LPP: variants seen among roughly 807,000 people sequenced by gnomAD.
LPP encodes the protein lipoma-preferred partner.
Under a neutral mutation model 60.4 loss-of-function variants are expected in LPP, and 38 were observed. That is an observed-to-expected ratio of 0.63 (90% confidence interval 0.49 to 0.83). The LOEUF is 0.83. LPP is among the 40% of genes least tolerant of loss of function. The pLI, the probability that LPP is intolerant of heterozygous loss-of-function variation, is 0.00. For missense variants in LPP, 902 were observed against 783.6 expected, an observed-to-expected ratio of 1.15 and a Z score of -1.80; for synonymous variants, 328 against 290.8, an observed-to-expected ratio of 1.13 and a Z score of -1.30.
intron 9 of LPP, among the ~76,000 whole-genome samples, chr3:188,856,533 TTATATC>T (rs1354242223): frequency 6.6e-6 from 1 of 152,220 alleles, no homozygotes; most frequent in Non-Finnish European, 1.5e-5. Flanking sequence ...AACAATATCT[TTATATC>T]TATTTACATT....
intron 2 of LPP, among the ~76,000 whole-genome samples, chr3:188,242,948 A>G (rs565454078): frequency 4.1e-4 from 62 of 152,324 alleles, no homozygotes; most frequent in Admixed American, 1.0e-3. Context: ...GAGAGAACAG[A>G]TGGTTCCTTT....
chr3:188,249,696 T>C (rs114280114), intron 2 of LPP, among the ~76,000 whole-genome samples: 2,066 of 151,970 alleles, frequency 0.014, 40 homozygotes, highest in African/African-American at 0.047. Context: ...TTTAAACTTA[T>C]TTAAAAAGTT....
chr3:188,712,666 A>ACC (rs1279481262), intron 8 of LPP: 1 of 151,978 alleles, frequency 6.6e-6, no homozygotes, highest in Non-Finnish European at 1.5e-5. Flanking sequence ...CCCTGCCAAA[A>ACC]CCCCATCACC....
Position 188,701,454 on chromosome 3 carries a change from T to C in LPP, c.1114-6813T>C, listed in dbSNP as rs140902291. Reference sequence around the variant, plus strand: ...AGAATATAAAGCATTCAATTTCCCATGACTTTCAACGATTAACCTTTGAGC... The same window carrying C: ...AGAATATAAAGCATTCAATTTCCCACGACTTTCAACGATTAACCTTTGAGC... On this transcript the variant is annotated intron_variant, in intron 7 of 11. Coordinates refer to ENST00000617246, the MANE Select transcript of LPP (RefSeq NM_001375462.1). Among the ~76,000 whole-genome samples the C allele has an allele frequency of 4.6e-5, 7 of 152,338 alleles. No homozygotes were observed. In the East Asian group the frequency reaches 1.4e-3, roughly 29 times the overall value.
rs1298403873 is a variant in LPP at position 188,876,330 on chromosome 3, C to T, written c.*1851C>T. On this transcript the variant is annotated 3_prime_UTR_variant, in exon 12 of 12. Transcript: ENST00000617246. ...ACTATAGCTCATCCTTAATGTATGG[C>T]TCATTTGCTTTTGTCACTAAACGGT... 5.3e-6 allele frequency: 1 copy of T among 190,448 alleles called. No homozygotes were observed. The highest frequency in any genetic ancestry group is 6.2e-5 in the Admixed American group (1 of 16,236). The allele number at this position is 190,448 out of a possible 1,614,324, so 11.8% of individuals were successfully genotyped here.
At chr3:188,770,205 G>A (rs1301825140) in intron 9 of LPP, among the ~76,000 whole-genome samples, 1 of 131,480 alleles carries the variant, frequency 7.6e-6, no homozygotes, top group Non-Finnish European at 1.6e-5. Flanking sequence ...CCGAGACGGG[G>A]TCTTGCTCTG....
chr3:188,497,253 G>A (rs572240069), intron 5 of LPP, among the ~76,000 whole-genome samples: 4 of 152,256 alleles, frequency 2.6e-5, no homozygotes, highest in Admixed American at 2.0e-4. Context: ...ATTTGGGGTA[G>A]ATCAAGCCTC....
chr3:188,505,679 A>T (rs1813245993), intron 5 of LPP, among the ~76,000 whole-genome samples: 1 of 152,184 alleles, frequency 6.6e-6, no homozygotes. Context: ...CATTGATGAT[A>T]TATCTTGCTT....
rs1483959642 is a variant in LPP, at chr3:188,706,726, G to T, written c.1114-1541G>T. 2.0e-5 allele frequency among the ~76,000 whole-genome samples: 3 copies of T among 152,162 alleles called. No individual in the cohort carries two copies. The East Asian group carries it at 5.8e-4, about 29-fold the overall frequency. On this transcript the variant is annotated intron_variant, in intron 7 of 11. Coordinates refer to ENST00000617246, the MANE Select transcript of LPP (RefSeq NM_001375462.1). ...ACTTGGTGTAGTGAAGATAATAGGA[G>T]AATGAATATGTAGCTTTCAGTTTTG...
At chr3:188,492,645 G>A (rs958449185) in intron 5 of LPP, among the ~76,000 whole-genome samples, 1 of 152,098 alleles carries the variant, frequency 6.6e-6, no homozygotes, top group Non-Finnish European at 1.5e-5. Context: ...GCAGTGAGCC[G>A]AGATTGCACC....
rs147151256 is a variant in LPP, at chr3:188,705,760, G to T, written c.1114-2507G>T. On this transcript the variant is annotated intron_variant, in intron 7 of 11. Coordinates refer to ENST00000617246, the MANE Select transcript of LPP (RefSeq NM_001375462.1). ...GCCTCCTGAGTAGCTGGGATTACAG[G>T]CGTGCATTATCACACCTGGCTAATT... Among the ~76,000 whole-genome samples, 635 of 152,078 alleles carry T rather than the reference G, an allele frequency of 4.2e-3. 4 individuals are homozygous for T. Among genetic ancestry groups the T allele is most frequent in the African/African-American group, 0.015 (616 of 41,478 alleles).
At chr3:188,209,172 G>GT (rs1734056943) in intron 1 of LPP, among the ~76,000 whole-genome samples, 1 of 152,162 alleles carries the variant, frequency 6.6e-6, no homozygotes, top group African/African-American at 2.4e-5. Context: ...CTAAACCAGT[G>GT]TTTCTTTTGC....
In LPP at chr3:188,818,246, C is replaced by T. The variant is rs532120226; in HGVS notation, c.1411-47954C>T. ...CTAATTAATCCTCCTTTTTTTCCCC[C>T]AGTACAGCTAATATGCTTTTTGTGA... On this transcript the variant is annotated intron_variant, in intron 9 of 11. Transcript: ENST00000617246. Among the ~76,000 whole-genome samples, 8 of 152,128 alleles carry T rather than the reference C, an allele frequency of 5.3e-5. No homozygotes were observed. The East Asian group carries it at 1.5e-3, about 29-fold the overall frequency.
chr3:188,623,369 C>T (rs1019757403), intron 7 of LPP, among the ~76,000 whole-genome samples: 4 of 151,892 alleles, frequency 2.6e-5, no homozygotes, highest in East Asian at 2.0e-4. Context: ...GTGATTCTCC[C>T]GCCTCAGCCT....
At chr3:188,645,985 T>G (rs945724291) in intron 7 of LPP, among the ~76,000 whole-genome samples, 1 of 152,178 alleles carries the variant, frequency 6.6e-6, no homozygotes, top group African/African-American at 2.4e-5. Flanking sequence ...TTCCAAGACT[T>G]GGCTTTCAGT....
At chr3:188,261,874 G>A (rs1560172112) in intron 2 of LPP, among the ~76,000 whole-genome samples, 1 of 152,166 alleles carries the variant, frequency 6.6e-6, no homozygotes, top group Non-Finnish European at 1.5e-5. Flanking sequence ...CTAGAACGGT[G>A]CCATTGCACT....
intron 2 of LPP, among the ~76,000 whole-genome samples, chr3:188,287,180 C>T (rs145315753): frequency 0.013 from 1,924 of 152,344 alleles, 35 homozygotes; most frequent in African/African-American, 0.044. Context: ...GGATTACAGG[C>T]GTGAGCCACT....
chr3:188,656,259 A>G (rs1373615044), intron 7 of LPP, among the ~76,000 whole-genome samples: 2 of 151,252 alleles, frequency 1.3e-5, no homozygotes, highest in Non-Finnish European at 2.9e-5. Flanking sequence ...AGGCGCTCCC[A>G]GGTGCTGCCA....
chr3:188,564,377 C>T lies in LPP; in HGVS notation c.429+39590C>T, dbSNP rs1005921460. 2.6e-5 allele frequency among the ~76,000 whole-genome samples: 4 copies of T among 152,040 alleles called. No homozygotes were observed. In the East Asian group the frequency reaches 5.8e-4, roughly 22 times the overall value. ...CAGAGGAGCATCCTCACGGATAATT[C>T]CCAAATCACAGATAATGTGTTGTTG... On this transcript the variant is annotated intron_variant, in intron 6 of 11. Coordinates refer to ENST00000617246, the MANE Select transcript of LPP (RefSeq NM_001375462.1).
Sources: gnomAD v4.1 joint callset for allele counts (sites outside exome capture counted in the v4.1 genomes callset) on GRCh38, gnomAD v4.1.1 for gene constraint, MANE v1.5 for transcripts, NCBI Gene and HGNC (gene_info 2026-07-23, HGNC 2026-07-21) for gene names.